SLC15A5: variants seen among roughly 807,000 people sequenced by gnomAD.
The protein encoded by SLC15A5 is Peptide/histidine transporter ENSP00000340402.
In SLC15A5, 58 loss-of-function variants were observed where a neutral mutation model predicts 56.1. That is an observed-to-expected ratio of 1.03 (90% CI 0.84 to 1.29). The LOEUF (loss-of-function observed/expected upper bound fraction) is 1.29, where lower values mean the gene tolerates loss of function less well. Among genes scored for constraint, SLC15A5 ranks in the 50% most tolerant of loss-of-function variants. The probability of loss-of-function intolerance (pLI) is 0.00; values close to 1 mark genes in which losing one functional copy is unlikely to be tolerated. For missense variants in SLC15A5, 681 were observed against 672.1 expected (o/e 1.01, Z -0.15); for synonymous variants, 264 against 250.5 (o/e 1.05, Z -0.51).
chr12:16,257,269 A>G (rs1445948200), intron 3 of SLC15A5, among the ~76,000 whole-genome samples: 1 of 152,296 alleles, frequency 6.6e-6, no homozygotes, highest in South Asian at 2.1e-4. Context: ...ATGCTATAAT[A>G]TTTAGTTTTT....
intron 6 of SLC15A5, among the ~76,000 whole-genome samples, chr12:16,218,750 G>C (rs1168897759): frequency 1.3e-5 from 2 of 152,164 alleles, no homozygotes; most frequent in African/African-American, 2.4e-5. Flanking sequence ...TTGCATGACT[G>C]TACTGTAAAC....
chr12:16,239,982 T>A, intron 4 of SLC15A5, 115 bp from the exon 5 acceptor site: 1 of 958,612 alleles, frequency 1.0e-6, no homozygotes, highest in Non-Finnish European at 1.5e-6. Flanking sequence ...GAGCTGGATG[T>A]TGCCTAGTTT....
chr12:16,204,966 A>C (rs758616760), intron 7 of SLC15A5, among the ~76,000 whole-genome samples: 1 of 152,158 alleles, frequency 6.6e-6, no homozygotes, highest in Admixed American at 6.5e-5. Flanking sequence ...TAGCAGCAAA[A>C]CTTGTATAAA....
chr12:16,255,491 G>T (rs1476708381), intron 3 of SLC15A5, among the ~76,000 whole-genome samples: 4 of 151,952 alleles, frequency 2.6e-5, no homozygotes, highest in Non-Finnish European at 5.9e-5. Context: ...TACATTTTTG[G>T]TAGAAATACA....
At chr12:16,272,427 C>T (rs1339004919) in intron 2 of SLC15A5, 134 bp downstream of exon 2, 6 of 817,472 alleles carry the variant, frequency 7.3e-6, no homozygotes. Flanking sequence ...ACTGAATCAT[C>T]ATCACAGATT....
intron 2 of SLC15A5, among the ~76,000 whole-genome samples, chr12:16,259,686 C>G (rs1183486746): frequency 6.6e-6 from 1 of 152,036 alleles, no homozygotes; most frequent in Non-Finnish European, 1.5e-5. Context: ...TGTGTGAGTA[C>G]AATAATGGAA....
At chr12:16,193,507 T>G in intron 8 of SLC15A5, among the ~76,000 whole-genome samples, 1 of 152,018 alleles carries the variant, frequency 6.6e-6, no homozygotes, top group East Asian at 1.9e-4. Flanking sequence ...ATTTGTTAGG[T>G]TAATAAAATA....
intron 2 of SLC15A5, among the ~76,000 whole-genome samples, chr12:16,264,073 G>T (rs1477317052): frequency 2.6e-5 from 4 of 152,192 alleles, no homozygotes. Context: ...ACCCCAGAAT[G>T]GTAGATCCAC....
intron 2 of SLC15A5, among the ~76,000 whole-genome samples, chr12:16,261,765 T>C (rs1040937705): frequency 1.3e-5 from 2 of 152,194 alleles, no homozygotes; most frequent in Non-Finnish European, 2.9e-5. Context: ...TGGTATATCA[T>C]TGTGGTTTTA....
chr12:16,210,089 G>A (rs1350149798), intron 7 of SLC15A5, among the ~76,000 whole-genome samples: 1 of 151,968 alleles, frequency 6.6e-6, no homozygotes, highest in Admixed American at 6.6e-5. Context: ...GCCTTCTCTG[G>A]GTTCCTCTTA....
Position 16,235,515 on chromosome 12 carries a change from G to A in SLC15A5, c.1162+4166C>T, listed in dbSNP as rs553577262. 1.3e-5 allele frequency among the ~76,000 whole-genome samples: 2 copies of A among 152,032 alleles called. No individual in the cohort carries two copies. The highest frequency in any genetic ancestry group is 4.8e-5 in the African/African-American group (2 of 41,488). ...ATTTGCTTCAGATTGCATATTAGAT[G>A]ATCTACCTCACCTCTGATTTAATTC... On this transcript the variant is annotated intron_variant, in intron 5 of 8. Coordinates refer to ENST00000344941, the MANE Select transcript of SLC15A5 (RefSeq NM_001170798.1). The surrounding 1 kb of genome is among the most constrained non-coding windows in gnomAD (Gnocchi z 4.1).
intron 7 of SLC15A5, among the ~76,000 whole-genome samples, chr12:16,197,821 C>A (rs1272199851): frequency 2.6e-5 from 4 of 151,814 alleles, no homozygotes; most frequent in Non-Finnish European, 5.9e-5. Context: ...TCAGTTGACT[C>A]CGCTCTTAGG....
chr12:16,257,215 A>G (rs968272471), intron 3 of SLC15A5, among the ~76,000 whole-genome samples: 4 of 152,054 alleles, frequency 2.6e-5, no homozygotes, highest in Non-Finnish European at 5.9e-5. Flanking sequence ...CACCTACATA[A>G]TATATTACAT....
intron 7 of SLC15A5, among the ~76,000 whole-genome samples, chr12:16,195,625 TGG>T (rs920788266): frequency 6.6e-6 from 1 of 152,072 alleles, no homozygotes; most frequent in African/African-American, 2.4e-5. Context: ...GAAGAGGGTG[TGG>T]GACCAGAGCA....
chr12:16,195,462 GAATTT>G (rs1863884723), intron 7 of SLC15A5, among the ~76,000 whole-genome samples: 1 of 152,080 alleles, frequency 6.6e-6, no homozygotes, highest in Non-Finnish European at 1.5e-5. Flanking sequence ...TTAACAGAGA[GAATTT>G]AATTTAACTG....
chr12:16,207,749 G>A (rs1004197113), intron 7 of SLC15A5, among the ~76,000 whole-genome samples: 2 of 151,908 alleles, frequency 1.3e-5, no homozygotes, highest in Non-Finnish European at 2.9e-5. Flanking sequence ...CGCCTCCAGG[G>A]TTCAAGCGAT....
chr12:16,218,739 G>T (rs1047703609), intron 6 of SLC15A5, among the ~76,000 whole-genome samples: 7 of 152,108 alleles, frequency 4.6e-5, no homozygotes, highest in African/African-American at 1.7e-4. Context: ...GTTGTTACGT[G>T]TTGCATGACT....
intron 7 of SLC15A5, among the ~76,000 whole-genome samples, 156 bp downstream of exon 7, chr12:16,216,737 G>GC (rs1258143711): frequency 6.6e-6 from 1 of 152,078 alleles, no homozygotes; most frequent in Non-Finnish European, 1.5e-5. Context: ...AATGAATACA[G>GC]CAAGAGTGTA....
intron 5 of SLC15A5, among the ~76,000 whole-genome samples, chr12:16,238,430 A>AGG: frequency 6.6e-6 from 1 of 152,020 alleles, no homozygotes; most frequent in Admixed American, 6.6e-5. Context: ...GATTGAGACC[A>AGG]TCCTGGCTTA....
Sources: gnomAD v4.1 joint callset for allele counts (sites outside exome capture counted in the v4.1 genomes callset) on GRCh38, gnomAD v4.1.1 for gene constraint, Gnocchi (gnomAD v3.1) non-coding constraint, MANE v1.5 for transcripts, NCBI Gene and HGNC (gene_info 2026-07-23, HGNC 2026-07-21) for gene names.